ADH7: variants seen among roughly 807,000 people sequenced by gnomAD.
ADH7 encodes the protein alcohol dehydrogenase 7 (class IV), mu or sigma polypeptide.
ADH7 carries 41 observed loss-of-function variants against 34.4 expected under a neutral mutation model. The observed-to-expected ratio is 1.19, with a 90% CI of 0.93 to 1.55. The LOEUF (loss-of-function observed/expected upper bound fraction) is 1.55. Among genes scored for constraint, ADH7 ranks in the 40% most tolerant of loss-of-function variants. The pLI is 0.00. For synonymous variants in ADH7, 180 were observed against 160.9 expected, an observed-to-expected ratio of 1.12 and a Z score of -0.90; for missense variants, 540 against 461.2, an observed-to-expected ratio of 1.17 and a Z score of -1.56.
chr4:99,414,212 C>T (rs1721467923), intron 8 of ADH7, among the ~76,000 whole-genome samples: 1 of 151,986 alleles, frequency 6.6e-6, no homozygotes, highest in African/African-American at 2.4e-5. Flanking sequence ...GTTTTTCTTA[C>T]AAAATCCCAT....
chr4:99,415,465 A>G lies in ADH7; in HGVS notation c.1100+13T>C. ...TGTGGAGAAGAGACAAGATCATCAT[A>G]AGAAACAGTTACCTTTGTCCTGAAT... On this transcript the variant is annotated intron_variant, in intron 8 of 8. Transcript: ENST00000437033. 1 of 1,608,216 alleles carries G rather than the reference A, an allele frequency of 6.2e-7. No homozygotes were observed. The highest frequency in any genetic ancestry group is 8.5e-7 in the Non-Finnish European group (1 of 1,177,494).
chr4:99,421,915 T>G (rs963330885), intron 5 of ADH7, among the ~76,000 whole-genome samples: 7 of 152,202 alleles, frequency 4.6e-5, no homozygotes, highest in African/African-American at 1.7e-4. Context: ...TCAACATCAC[T>G]GATCATTAGA....
In ADH7 at chr4:99,429,653, T is replaced by C. The variant is rs750151943; in HGVS notation, c.19-20A>G. The C allele has an allele frequency of 1.3e-6, 2 of 1,569,388 alleles. No individual in the cohort carries two copies. Among genetic ancestry groups the C allele is most frequent in the South Asian group, 2.3e-5 (2 of 88,288 alleles). On this transcript the variant is annotated intron_variant, in intron 1 of 8. Coordinates refer to ENST00000437033, the MANE Select transcript of ADH7 (RefSeq NM_000673.7). ...AATAACCTAAGAAATAGGCAAGTAT[T>C]ATAATGGGTCTGAATTATGCCTTTA...
intron 5 of ADH7, among the ~76,000 whole-genome samples, chr4:99,421,681 C>T (rs531850919): frequency 1.1e-4 from 16 of 152,166 alleles, no homozygotes; most frequent in Non-Finnish European, 2.2e-4. Context: ...AGCTTCTGCA[C>T]AGCAAAAGAA....
chr4:99,418,414 C>T (rs779525395), intron 7 of ADH7, among the ~76,000 whole-genome samples: 10 of 151,984 alleles, frequency 6.6e-5, no homozygotes, highest in Admixed American at 2.0e-4. Context: ...CACTAGAAAA[C>T]GAGACTTTGT....
At chr4:99,428,288 G>T in intron 3 of ADH7, 114 bp from the exon 4 acceptor site, 2 of 1,242,062 alleles carry the variant, frequency 1.6e-6, no homozygotes, top group Non-Finnish European at 2.3e-6. Flanking sequence ...ATATTCTAAG[G>T]TTTATAAACA....
intron 5 of ADH7, among the ~76,000 whole-genome samples, chr4:99,426,888 G>T (rs143963320): frequency 6.6e-6 from 1 of 152,122 alleles, no homozygotes; most frequent in Non-Finnish European, 1.5e-5. Context: ...TCATACCTGC[G>T]ATGCAAGGCT....
chr4:99,415,079 C>T (rs553778461), intron 8 of ADH7, among the ~76,000 whole-genome samples: 2 of 152,286 alleles, frequency 1.3e-5, no homozygotes, highest in African/African-American at 2.4e-5. Flanking sequence ...ATGCTGTTCT[C>T]ATGATAGTGA....
chr4:99,435,064 A>G (rs374744943), intron 1 of ADH7, 152 bp downstream of exon 1: 9 of 1,546,256 alleles, frequency 5.8e-6, no homozygotes, highest in Non-Finnish European at 6.1e-6. Context: ...CACCATATCC[A>G]GTGTTTCCCT....
At chr4:99,419,895 AAGTG>A (rs1236731133) in intron 6 of ADH7, among the ~76,000 whole-genome samples, 2 of 152,202 alleles carry the variant, frequency 1.3e-5, no homozygotes, top group Non-Finnish European at 2.9e-5. Context: ...TCTTGAGCAA[AAGTG>A]GCTTTATTCC....
chr4:99,426,277 G>C (rs1037810255), intron 5 of ADH7, among the ~76,000 whole-genome samples: 1 of 152,014 alleles, frequency 6.6e-6, no homozygotes, highest in East Asian at 1.9e-4. Flanking sequence ...TGGAGCTGGT[G>C]TTTTGAAAGG....
At chr4:99,434,142 A>G (rs2110142470) in intron 1 of ADH7, among the ~76,000 whole-genome samples, 1 of 152,318 alleles carries the variant, frequency 6.6e-6, no homozygotes, top group South Asian at 2.1e-4. Flanking sequence ...ATGTTCTTAC[A>G]GTGGATGAAT....
intron 7 of ADH7, among the ~76,000 whole-genome samples, chr4:99,416,378 T>C (rs1444018744): frequency 2.6e-5 from 4 of 152,140 alleles, no homozygotes; most frequent in Non-Finnish European, 5.9e-5. Flanking sequence ...ATCAAGGTCA[T>C]CTTTGAGCTC....
chr4:99,418,367 G>A (rs533955368), intron 7 of ADH7, among the ~76,000 whole-genome samples: 1 of 152,114 alleles, frequency 6.6e-6, no homozygotes, highest in East Asian at 1.9e-4. Context: ...AATATTGGGA[G>A]TACCTTCAAA....
chr4:99,428,190 C>G lies in ADH7; in HGVS notation c.260-16G>C. 6.3e-7 allele frequency: 1 copy of G among 1,599,734 alleles called. No homozygotes were observed. Among genetic ancestry groups the G allele is most frequent in the South Asian group, 1.1e-5 (1 of 90,756 alleles). On this transcript the variant is annotated splice_polypyrimidine_tract_variant and intron_variant, in intron 3 of 8. Coordinates refer to ENST00000437033, the MANE Select transcript of ADH7 (RefSeq NM_000673.7). The stretch of plus-strand genomic sequence containing the variant: ...ACTTTGTCACCTACAGGAAAAAAAT[C>G]ATGATATAAGATGCTGTTCATTAAT...
At chr4:99,434,289 T>A (rs1721999765) in intron 1 of ADH7, among the ~76,000 whole-genome samples, 1 of 152,178 alleles carries the variant, frequency 6.6e-6, no homozygotes, top group Non-Finnish European at 1.5e-5. Flanking sequence ...TAGTGCAAAA[T>A]TAACTTCCCA....
intron 1 of ADH7, among the ~76,000 whole-genome samples, chr4:99,432,901 T>A (rs916408384): frequency 6.6e-5 from 10 of 152,180 alleles, no homozygotes; most frequent in Admixed American, 3.9e-4. Context: ...TGTACTCTAG[T>A]TCCTGGGCTC....
At chr4:99,417,393 G>A (rs900291926) in intron 7 of ADH7, among the ~76,000 whole-genome samples, 2 of 151,916 alleles carry the variant, frequency 1.3e-5, no homozygotes. Flanking sequence ...TATTTACTAC[G>A]TCTCCTTCCT....
intron 4 of ADH7, 36 bp downstream of exon 4, chr4:99,428,051 T>C (rs1721852506): frequency 1.9e-6 from 3 of 1,612,958 alleles, no homozygotes; most frequent in Non-Finnish European, 8.5e-7. Flanking sequence ...ATAGGAAAAA[T>C]GTAAATACAT....
Sources: gnomAD v4.1 joint callset for allele counts (sites outside exome capture counted in the v4.1 genomes callset) on GRCh38, gnomAD v4.1.1 for gene constraint, MANE v1.5 for transcripts, NCBI Gene and HGNC (gene_info 2026-07-23, HGNC 2026-07-21) for gene names.